The following IL13RA2 variants were observed in gnomAD, a reference collection of about 807,000 sequenced individuals.
The protein encoded by IL13RA2 is interleukin 13 receptor subunit alpha 2, also known as interleukin-13 receptor subunit alpha-2.
IL13RA2 carries 25 observed loss-of-function variants against 34.1 expected under a neutral mutation model. The observed-to-expected ratio is 0.73, with a 90% CI of 0.53 to 1.03. IL13RA2 has a LOEUF of 1.03. Ranked by LOEUF, IL13RA2 falls within the 50% of genes least tolerant of loss-of-function variation. The pLI, the probability that IL13RA2 is intolerant of heterozygous loss-of-function variation, is 0.00. For synonymous variants in IL13RA2, 106 were observed against 100.4 expected (o/e 1.06, Z -0.33); for missense variants, 297 against 280.9 (o/e 1.06, Z -0.41).
chrX:115,016,771 C>T (rs1038818296), intron 2 of IL13RA2, among the ~76,000 whole-genome samples: 4 of 106,301 alleles, frequency 3.8e-5, no homozygotes, highest in Admixed American at 1.0e-4. Flanking sequence ...TTAAATTTTA[C>T]GTTAAATTTC....
At chrX:115,012,680 G>A (rs782802738) in intron 5 of IL13RA2, among the ~76,000 whole-genome samples, 9 of 110,511 alleles carry the variant, frequency 8.1e-5, no homozygotes, top group Non-Finnish European at 1.1e-4. Flanking sequence ...CATGAGAATC[G>A]CTTGAACCCA....
intron 2 of IL13RA2, 36 bp from the exon 3 acceptor site, chrX:115,015,857 G>A: frequency 1.0e-6 from 1 of 981,014 alleles, no homozygotes. Context: ...TATTTTTTCT[G>A]TATTTTATGA....
rs2071724124 is a variant in IL13RA2, at chrX:115,015,677, G to T, written c.239C>A (p.Thr80Lys). The T allele has an allele frequency of 2.5e-6, 3 of 1,202,875 alleles. No individual in the cohort carries two copies. The highest frequency in any genetic ancestry group is 3.4e-6 in the Non-Finnish European group (3 of 887,879). The change falls in exon 3 of 10, where the codon ACA becomes AAA. Residue 80 changes from threonine to lysine, a missense_variant. Thr to Lys is a moderately conservative substitution (Grantham distance 78). Transcript: ENST00000243213. Reference protein sequence around the residue: ...ELKYRNIGSETWKTIITKNLH... With the variant: ...ELKYRNIGSEKWKTIITKNLH... ...AATGCATGCTTTACTTACCTTCCAT[G>T]TTTCACTACCAATGTTTCGGTATTT...
At chrX:115,007,828 A>G in intron 8 of IL13RA2, 104 bp downstream of exon 8, 1 of 538,167 alleles carries the variant, frequency 1.9e-6, no homozygotes, top group South Asian at 3.2e-5. Context: ...TTCATAGACT[A>G]TATGGGAAAG....
intron 5 of IL13RA2, among the ~76,000 whole-genome samples, chrX:115,013,456 A>T (rs5946267): frequency 0.12 from 13,340 of 110,960 alleles, 2,122 homozygotes; most frequent in African/African-American, 0.42. Flanking sequence ...CTGATTTTTT[A>T]AAAAAACAAG....
intron 5 of IL13RA2, among the ~76,000 whole-genome samples, chrX:115,011,948 T>C (rs1397149186): frequency 8.9e-6 from 1 of 112,219 alleles, no homozygotes; most frequent in Non-Finnish European, 1.9e-5. Flanking sequence ...TAAAAGATGC[T>C]TAATATTTGT....
At chrX:115,010,137 A>G (rs782769435) in intron 6 of IL13RA2, among the ~76,000 whole-genome samples, 133 of 111,641 alleles carry the variant, frequency 1.2e-3, no homozygotes, top group Non-Finnish European at 2.1e-3. Flanking sequence ...ACTACTAAGG[A>G]AATTGAAACA....
intron 7 of IL13RA2, among the ~76,000 whole-genome samples, chrX:115,008,430 A>C (rs1001871177): frequency 1.8e-5 from 2 of 111,943 alleles, no homozygotes; most frequent in Non-Finnish European, 3.8e-5. Context: ...AAGATGCTAC[A>C]TACACTCAGT....
Position 115,014,532 on chromosome X carries a change from G to A in IL13RA2, c.289C>T (p.Leu97Phe). The change falls in exon 4 of 10, where the codon CTT becomes TTT. Residue 97 changes from leucine to phenylalanine, a missense_variant. Physicochemically the swap from Leu to Phe is conservative, Grantham distance 22. Transcript: ENST00000243213. ...ATCTTCGCTTCAATGCCCTTGTTAA[G>A]ATCAAACCCATCTTTGTAATGTAGA... Reference protein sequence around the residue: ...KNLHYKDGFDLNKGIEAKIHT... With the variant: ...KNLHYKDGFDFNKGIEAKIHT... The A allele has an allele frequency of 8.4e-7, 1 of 1,185,388 alleles. No homozygotes were observed. The highest frequency in any genetic ancestry group is 1.1e-6 in the Non-Finnish European group (1 of 875,577).
At chrX:115,010,339 G>T (rs1234866873) in intron 6 of IL13RA2, among the ~76,000 whole-genome samples, 1 of 111,920 alleles carries the variant, frequency 8.9e-6, no homozygotes, top group Non-Finnish European at 1.9e-5. Flanking sequence ...ACTAACACTA[G>T]ACAAAAGTAC....
At chrX:115,012,027 T>A (rs1212660467) in intron 5 of IL13RA2, among the ~76,000 whole-genome samples, 1 of 112,420 alleles carries the variant, frequency 8.9e-6, no homozygotes, top group Non-Finnish European at 1.9e-5. Flanking sequence ...GAAACAAAAA[T>A]TCTAAAAGAA....
At chrX:115,009,206 GT>G (rs56752159) in intron 7 of IL13RA2, among the ~76,000 whole-genome samples, 43 of 102,741 alleles carry the variant, frequency 4.2e-4, no homozygotes, top group Middle Eastern at 4.9e-3. Context: ...GTCTTTGTGG[GT>G]TTTTTTTTTT....
chrX:115,006,681 C>T (rs1556507681), intron 8 of IL13RA2, among the ~76,000 whole-genome samples: 1 of 110,545 alleles, frequency 9.0e-6, no homozygotes, highest in Non-Finnish European at 1.9e-5. Flanking sequence ...AGACTCTGTA[C>T]CAAAAAAAGG....
intron 9 of IL13RA2, among the ~76,000 whole-genome samples, chrX:115,004,575 C>G (rs1405996896): frequency 1.8e-5 from 2 of 108,774 alleles, no homozygotes; most frequent in Non-Finnish European, 3.8e-5. Context: ...CCACTCCTCT[C>G]CAGCCTGAGT....
intron 5 of IL13RA2, among the ~76,000 whole-genome samples, chrX:115,013,075 G>A (rs1444733634): frequency 5.4e-5 from 6 of 111,372 alleles, no homozygotes; most frequent in African/African-American, 1.6e-4. Flanking sequence ...GACACAGGAG[G>A]TTTTTGAACA....
At position 115,010,888 on chromosome X, in the gene IL13RA2, A is replaced by G. The variant is rs5988197; in HGVS notation, c.522-60T>C. The G allele has an allele frequency of 0.046, 23,988 of 518,654 alleles. 4,274 individuals are homozygous for G. The African/African-American group carries it at 0.52, about 11-fold the overall frequency. 42.7% of individuals were successfully genotyped at this position (518,654 alleles called of 1,213,427 possible). ...TAACAATCTTTTCCAGTATCAAGGC[A>G]CTTCATTTTCAATTATATTAGGATA... On this transcript the variant is annotated intron_variant, in intron 5 of 9. Transcript: ENST00000243213.
At chrX:115,011,154 A>G (rs1212004633) in intron 5 of IL13RA2, among the ~76,000 whole-genome samples, 1 of 112,151 alleles carries the variant, frequency 8.9e-6, no homozygotes, top group Non-Finnish European at 1.9e-5. Context: ...TAAGATTCCT[A>G]GTAAGAAAAC....
Position 115,003,995 on chromosome X carries a change from T to A in IL13RA2, c.*85A>T, listed in dbSNP as rs1403527055. On this transcript the variant is annotated 3_prime_UTR_variant, in exon 10 of 10. Transcript: ENST00000243213. ...ACGTATTCAACATTCGCAAGAAAAA[T>A]TCAGTTTATTGAGACTCATATTGAA... is the stretch of plus-strand genomic sequence containing the variant. 1.8e-6 allele frequency: 1 copy of A among 545,311 alleles called. No homozygotes were observed. The highest frequency in any genetic ancestry group is 2.4e-5 in the African/African-American group (1 of 41,881). 44.9% of individuals were successfully genotyped at this position (545,311 alleles called of 1,213,427 possible).
At chrX:115,004,282 C>A (rs1210015301) in intron 9 of IL13RA2, among the ~76,000 whole-genome samples, 176 bp from the exon 10 acceptor site, 1 of 109,510 alleles carries the variant, frequency 9.1e-6, no homozygotes, top group Non-Finnish European at 1.9e-5. Flanking sequence ...CTTTTCTCAG[C>A]TGGGCACAGT....
Sources: allele counts gnomAD v4.1 joint callset (sites outside exome capture counted in the v4.1 genomes callset), GRCh38; gene constraint gnomAD v4.1.1; transcripts MANE v1.5; gene names NCBI Gene and HGNC (gene_info 2026-07-23, HGNC 2026-07-21).